Variants in MAP3K8 observed in about 807,000 individuals in gnomAD.
MAP3K8 encodes the protein mitogen-activated protein kinase kinase kinase 8.
Under a neutral mutation model 45.8 loss-of-function variants are expected in MAP3K8, and 22 were observed. The ratio of observed to expected loss-of-function variants is 0.48; its 90% CI spans 0.34 to 0.69. MAP3K8 has a LOEUF of 0.69. Among genes scored for constraint, MAP3K8 ranks in the 30% least tolerant of loss-of-function variants. The pLI is 0.01. For missense variants in MAP3K8, 419 were observed against 585.0 expected (o/e 0.72, Z 2.93); for synonymous variants, 223 against 214.3 (o/e 1.04, Z -0.36).
chr10:30,460,554 TG>T, intron 8 of MAP3K8, 151 bp from the exon 9 acceptor site: 3 of 542,582 alleles, frequency 5.5e-6, no homozygotes, highest in Non-Finnish European at 9.4e-6. Context: ...TGTCATATTA[TG>T]TGAACTTAGC....
intron 3 of MAP3K8, among the ~76,000 whole-genome samples, chr10:30,445,998 C>A (rs1052284044): frequency 3.9e-5 from 6 of 152,218 alleles, no homozygotes; most frequent in African/African-American, 1.2e-4. Flanking sequence ...AGTTCATTCT[C>A]TTCCCATGTG....
At chr10:30,451,824 G>A (rs980139999) in intron 6 of MAP3K8, 80 bp downstream of exon 6, 11 of 718,280 alleles carry the variant, frequency 1.5e-5, no homozygotes, top group Admixed American at 8.4e-5. Flanking sequence ...TTGTGGGAAC[G>A]AAGGACAAAG....
chr10:30,442,885 C>G (rs964272972), intron 3 of MAP3K8, among the ~76,000 whole-genome samples: 1 of 152,108 alleles, frequency 6.6e-6, no homozygotes, highest in Non-Finnish European at 1.5e-5. Context: ...TTGAGTCCAG[C>G]CCTCCGTCTA....
intron 3 of MAP3K8, among the ~76,000 whole-genome samples, chr10:30,443,874 A>T (rs1177934570): frequency 3.9e-5 from 6 of 152,188 alleles, no homozygotes; most frequent in African/African-American, 9.6e-5. Flanking sequence ...TGGCAGAGAT[A>T]AGCAGCATAG....
At chr10:30,457,723 G>A (rs1333795394) in intron 6 of MAP3K8, among the ~76,000 whole-genome samples, 4 of 152,142 alleles carry the variant, frequency 2.6e-5, no homozygotes, top group Admixed American at 1.3e-4. Flanking sequence ...TCGGCTCACA[G>A]CAGCCTCCGC....
chr10:30,452,622 CA>C (rs201850531), intron 6 of MAP3K8, among the ~76,000 whole-genome samples: 2,317 of 129,166 alleles, frequency 0.018, 57 homozygotes, highest in East Asian at 0.093. Flanking sequence ...GATGTTGCTT[CA>C]AAAAAAAAAA....
intron 3 of MAP3K8, among the ~76,000 whole-genome samples, chr10:30,444,421 CCATTGCA>C (rs1364342303): frequency 1.3e-5 from 2 of 151,864 alleles, no homozygotes; most frequent in African/African-American, 4.8e-5. Flanking sequence ...TGAGATCGCC[CCATTGCA>C]CTCCAGCCTG....
At chr10:30,458,806 G>A (rs1836834249) in intron 7 of MAP3K8, among the ~76,000 whole-genome samples, 1 of 152,200 alleles carries the variant, frequency 6.6e-6, no homozygotes, top group South Asian at 2.1e-4. Context: ...CAAGCACGGT[G>A]GCTCACGCCT....
In MAP3K8 at chr10:30,461,701, A is replaced by T. The variant is rs1266627090; in HGVS notation, c.*865A>T. On this transcript the variant is annotated 3_prime_UTR_variant, in exon 9 of 9. Transcript: ENST00000263056. ...GCCTTCATGAATCTTTCATACATAT[A>T]TATATTTGTAACATTGTAAAGTATG... 5.4e-6 allele frequency: 1 copy of T among 185,116 alleles called. No individual in the cohort carries two copies. Among genetic ancestry groups the T allele is most frequent in the East Asian group, 8.8e-5 (1 of 11,364 alleles). The allele number at this position is 185,116 out of a possible 1,614,324, so 11.5% of individuals were successfully genotyped here.
intron 6 of MAP3K8, among the ~76,000 whole-genome samples, chr10:30,451,992 A>G (rs1258852924): frequency 2.6e-5 from 4 of 152,100 alleles, no homozygotes; most frequent in Non-Finnish European, 4.4e-5. Context: ...TATAATATAC[A>G]TGTTGATATA....
chr10:30,450,581 A>G (rs1462118415), intron 5 of MAP3K8, 62 bp downstream of exon 5: 5 of 1,504,046 alleles, frequency 3.3e-6, no homozygotes, highest in Admixed American at 1.7e-5. Flanking sequence ...GGAGACAAAC[A>G]AGCTCCTTCC....
chr10:30,447,924 C>G lies in MAP3K8; in HGVS notation c.479C>G (p.Thr160Arg). The G allele has an allele frequency of 6.2e-7, 1 of 1,610,794 alleles. No individual in the cohort carries two copies. The highest frequency in any genetic ancestry group is 8.5e-7 in the Non-Finnish European group (1 of 1,179,294). The change falls in exon 4 of 9, where the codon ACG becomes AGG. Residue 160 changes from threonine (T) to arginine (R), a missense_variant. Transcript: ENST00000263056. Reference protein sequence around the residue: ...GKVYLAQDIKTKKRMACKLIP... With the variant: ...GKVYLAQDIKRKKRMACKLIP... Reference sequence around the variant, plus strand: ...GTATACTTGGCACAAGATATAAAGACGAAGAAAAGAATGGCGTGTAAACTG... The same window carrying G: ...GTATACTTGGCACAAGATATAAAGAGGAAGAAAAGAATGGCGTGTAAACTG...
chr10:30,456,900 AT>A (rs1212857753), intron 6 of MAP3K8, among the ~76,000 whole-genome samples: 1 of 152,076 alleles, frequency 6.6e-6, no homozygotes, highest in African/African-American at 2.4e-5. Flanking sequence ...CCTGGCCAAC[AT>A]GGTGAAACCC....
At chr10:30,451,499 A>C in intron 5 of MAP3K8, 139 bp from the exon 6 acceptor site, 1 of 481,504 alleles carries the variant, frequency 2.1e-6, no homozygotes, top group Non-Finnish European at 3.7e-6. Flanking sequence ...TCCTCTTTTG[A>C]ATATAATACA....
At chr10:30,439,361 C>A in intron 3 of MAP3K8, 87 bp downstream of exon 3, 1 of 1,547,058 alleles carries the variant, frequency 6.5e-7, no homozygotes, top group South Asian at 1.2e-5. Context: ...TTGAATTTGG[C>A]TTAGATGGGC....
In MAP3K8 at chr10:30,461,584, A is replaced by G. The variant is rs1489784006; in HGVS notation, c.*748A>G. ...CTTTAAGAAAAATGAAAACTTTTGT[A>G]AATTATTGATGATTTTGTAATTCTT... On this transcript the variant is annotated 3_prime_UTR_variant, in exon 9 of 9. Coordinates refer to ENST00000263056, the MANE Select transcript of MAP3K8 (RefSeq NM_005204.4). 1 of 190,164 alleles carries G rather than the reference A, an allele frequency of 5.3e-6. No homozygotes were observed. Among genetic ancestry groups the G allele is most frequent in the African/African-American group, 2.3e-5 (1 of 42,914 alleles). The allele number at this position is 190,164 out of a possible 1,614,324, so 11.8% of individuals were successfully genotyped here. A position where few individuals can be genotyped will look rare whatever the true frequency, so the allele number is the denominator to read the frequency against.
intron 3 of MAP3K8, 192 bp downstream of exon 3, chr10:30,439,466 A>C: frequency 8.6e-7 from 1 of 1,166,000 alleles, no homozygotes. Context: ...TTTCTATTTA[A>C]AGATTCTTGA....
In MAP3K8 at chr10:30,434,295, A is replaced by C; in HGVS notation, c.-338A>C. ...CAGTGGCCCGGCGTGCTCGGCTCCC[A>C]CAGGCCTGCAGCCAGCATCGCACCG... is the stretch of plus-strand genomic sequence containing the variant. On this transcript the variant is annotated 5_prime_UTR_variant, in exon 1 of 9. Coordinates refer to ENST00000263056, the MANE Select transcript of MAP3K8 (RefSeq NM_005204.4). The C allele has an allele frequency of 4.1e-6, 1 of 242,152 alleles. No individual in the cohort carries two copies. The highest frequency in any genetic ancestry group is 6.7e-6 in the Non-Finnish European group (1 of 150,360). The allele number at this position is 242,152 out of a possible 1,614,324, so 15.0% of individuals were successfully genotyped here.
Position 30,449,654 on chromosome 10 carries a change from A to G in MAP3K8, c.505-604A>G, listed in dbSNP as rs369930391. ...TAAGAGAGTAGCTGGGATTACAGGC[A>G]TGCACAACCAATGCCTGGCAAATTT... On this transcript the variant is annotated intron_variant, in intron 4 of 8. Coordinates refer to ENST00000263056, the MANE Select transcript of MAP3K8 (RefSeq NM_005204.4). Among the ~76,000 whole-genome samples the G allele has an allele frequency of 1.1e-4, 17 of 152,302 alleles. No individual in the cohort carries two copies. The East Asian group carries it at 2.1e-3, about 19-fold the overall frequency.
Sources: gnomAD v4.1 joint callset for allele counts (sites outside exome capture counted in the v4.1 genomes callset) on GRCh38, gnomAD v4.1.1 for gene constraint, MANE v1.5 for transcripts, NCBI Gene and HGNC (gene_info 2026-07-23, HGNC 2026-07-21) for gene names.